Variants in CDK5RAP2 observed in about 807,000 individuals in gnomAD.
The protein encoded by CDK5RAP2 is CDK5 regulatory subunit associated protein 2.
CDK5RAP2 carries 147 observed loss-of-function variants against 232.9 expected under a neutral mutation model. That is an observed-to-expected ratio of 0.63 (90% CI 0.55 to 0.72). CDK5RAP2 has a LOEUF of 0.72. Ranked by LOEUF, CDK5RAP2 falls within the 30% of genes least tolerant of loss-of-function variation. The probability of loss-of-function intolerance (pLI) is 0.00; values close to 1 mark genes in which losing one functional copy is unlikely to be tolerated. For synonymous variants in CDK5RAP2, 833 were observed against 833.7 expected (o/e 1.00, Z 0.01); for missense variants, 2,195 against 2,231.5 (o/e 0.98, Z 0.33).
At chr9:120,410,609 G>A (rs932650752) in intron 29 of CDK5RAP2, among the ~76,000 whole-genome samples, 5 of 152,306 alleles carry the variant, frequency 3.3e-5, no homozygotes, top group Admixed American at 6.5e-5. Context: ...CAGTCTACAC[G>A]GCCCTGAAGT....
chr9:120,394,473 A>C, intron 36 of CDK5RAP2, 39 bp downstream of exon 36: 11 of 1,613,712 alleles, frequency 6.8e-6, no homozygotes, highest in Non-Finnish European at 9.3e-6. Context: ...CGGAGGCAGG[A>C]AGTGGTCAGG....
chr9:120,486,345 T>G (rs1304265228), intron 14 of CDK5RAP2, among the ~76,000 whole-genome samples: 1 of 150,652 alleles, frequency 6.6e-6, no homozygotes, highest in Non-Finnish European at 1.5e-5. Flanking sequence ...ATCAGAAAAC[T>G]AATTTGCATA....
At chr9:120,494,289 G>T (rs898724318) in intron 12 of CDK5RAP2, among the ~76,000 whole-genome samples, 5 of 152,134 alleles carry the variant, frequency 3.3e-5, no homozygotes, top group Admixed American at 2.6e-4. Context: ...TAGTAATGAG[G>T]ATACCTATCA....
intron 25 of CDK5RAP2, among the ~76,000 whole-genome samples, chr9:120,430,812 CAT>C (rs2035240564): frequency 6.6e-6 from 1 of 152,096 alleles, no homozygotes; most frequent in South Asian, 2.1e-4. Flanking sequence ...CACATGCACA[CAT>C]ATGTTTACTG....
chr9:120,454,641 G>A (rs183658789), intron 20 of CDK5RAP2, among the ~76,000 whole-genome samples: 5 of 152,294 alleles, frequency 3.3e-5, no homozygotes, highest in Admixed American at 6.5e-5. Flanking sequence ...CACCCTCTAC[G>A]TCTCTGCTGC....
intron 13 of CDK5RAP2, among the ~76,000 whole-genome samples, chr9:120,490,635 C>T (rs923008399): frequency 1.3e-5 from 2 of 152,248 alleles, no homozygotes; most frequent in Admixed American, 1.3e-4. Flanking sequence ...GCCCTTAACA[C>T]TTGCCCATCC....
At chr9:120,495,989 GC>G (rs1243872847) in intron 12 of CDK5RAP2, among the ~76,000 whole-genome samples, 3 of 132,906 alleles carry the variant, frequency 2.3e-5, no homozygotes, top group South Asian at 4.9e-4. Context: ...AGGGGGGTCA[GC>G]CCCCCGCCTG....
chr9:120,435,394 G>C (rs1345348196), intron 25 of CDK5RAP2, among the ~76,000 whole-genome samples: 3 of 151,948 alleles, frequency 2.0e-5, no homozygotes, highest in Non-Finnish European at 4.4e-5. Context: ...AAACAGGAAA[G>C]AACCCAGTGA....
intron 7 of CDK5RAP2, among the ~76,000 whole-genome samples, chr9:120,533,274 A>G (rs2041236076): frequency 6.6e-6 from 1 of 152,074 alleles, no homozygotes; most frequent in Non-Finnish European, 1.5e-5. Context: ...CCAAGGCCAC[A>G]CTCAGTAGTT....
At chr9:120,473,424 T>A (rs774646801) in intron 15 of CDK5RAP2, among the ~76,000 whole-genome samples, 3 of 152,202 alleles carry the variant, frequency 2.0e-5, no homozygotes, top group Non-Finnish European at 4.4e-5. Context: ...AGCCCCCGAA[T>A]GGTTAGAGGC....
chr9:120,530,172 T>G (rs2041086456), intron 7 of CDK5RAP2, 32 bp from the exon 8 acceptor site: 1 of 1,567,928 alleles, frequency 6.4e-7, no homozygotes, highest in African/African-American at 1.3e-5. Context: ...ATATTAATTC[T>G]AAGCTGTTCT....
intron 14 of CDK5RAP2, among the ~76,000 whole-genome samples, chr9:120,483,682 G>A (rs942985320): frequency 6.6e-6 from 1 of 152,344 alleles, no homozygotes; most frequent in East Asian, 1.9e-4. Flanking sequence ...GATTAGGAAA[G>A]TGAGTTTCAG....
At chr9:120,458,758 G>T in intron 19 of CDK5RAP2, 136 bp from the exon 20 acceptor site, 2 of 766,242 alleles carry the variant, frequency 2.6e-6, no homozygotes, top group South Asian at 3.1e-5. Flanking sequence ...AAACAGAAAA[G>T]AAAAGGGGGA....
At chr9:120,389,895 G>A in intron 36 of CDK5RAP2, 108 bp from the exon 37 acceptor site, 1 of 969,108 alleles carries the variant, frequency 1.0e-6, no homozygotes, top group South Asian at 1.3e-5. Flanking sequence ...GCTCGGACAT[G>A]TAGACAACAC....
Position 120,439,390 on chromosome 9 carries a change from G to C in CDK5RAP2, c.3722+9C>G. ...GCTTAAACGGGGAGACGGCAGAGGTGGAACGTACCTGGGAGGTGAGAGATC... is the reference window on the plus strand; with the variant it reads ...GCTTAAACGGGGAGACGGCAGAGGTCGAACGTACCTGGGAGGTGAGAGATC... On this transcript the variant is annotated intron_variant, in intron 24 of 37. Transcript: ENST00000349780. The C allele has an allele frequency of 1.2e-6, 2 of 1,611,234 alleles. No individual in the cohort carries two copies. Among genetic ancestry groups the C allele is most frequent in the South Asian group, 2.2e-5 (2 of 91,026 alleles).
chr9:120,570,076 C>T (rs1408494734), intron 2 of CDK5RAP2, among the ~76,000 whole-genome samples: 2 of 152,016 alleles, frequency 1.3e-5, no homozygotes, highest in African/African-American at 4.8e-5. Flanking sequence ...AAGGAGGCAC[C>T]GGGCAGATGA....
At chr9:120,460,510 G>A (rs753768046) in intron 19 of CDK5RAP2, 62 bp downstream of exon 19, 72 of 1,502,348 alleles carry the variant, frequency 4.8e-5, no homozygotes, top group Non-Finnish European at 5.9e-5. Context: ...TTCCAGACTC[G>A]AAGACTGATT....
At chr9:120,487,758 C>T (rs1169879794) in intron 13 of CDK5RAP2, among the ~76,000 whole-genome samples, 2 of 152,224 alleles carry the variant, frequency 1.3e-5, no homozygotes, top group Non-Finnish European at 2.9e-5. Flanking sequence ...TCTGACCCAA[C>T]AGACCTGGTT....
At chr9:120,451,804 G>A (rs1588373111) in intron 21 of CDK5RAP2, among the ~76,000 whole-genome samples, 2 of 149,996 alleles carry the variant, frequency 1.3e-5, no homozygotes, top group Admixed American at 1.3e-4. Flanking sequence ...GTAAAATGTA[G>A]GTAATACCTA....
Sources: allele counts gnomAD v4.1 joint callset (sites outside exome capture counted in the v4.1 genomes callset), GRCh38; gene constraint gnomAD v4.1.1; transcripts MANE v1.5; gene names NCBI Gene and HGNC (gene_info 2026-07-23, HGNC 2026-07-21).